Variants in FIBP observed in about 807,000 individuals in gnomAD.
FIBP encodes FGF1 intracellular binding protein, also known as acidic fibroblast growth factor intracellular-binding protein.
In FIBP, 29 loss-of-function variants were observed where a neutral mutation model predicts 40.5. That is an observed-to-expected ratio of 0.72 (90% CI 0.53 to 0.98). FIBP has a LOEUF of 0.98. Ranked by LOEUF, FIBP falls within the 50% of genes least tolerant of loss-of-function variation. The pLI is 0.00. For missense variants in FIBP, 411 were observed against 470.2 expected, an observed-to-expected ratio of 0.87 and a Z score of 1.16; for synonymous variants, 215 against 191.1, an observed-to-expected ratio of 1.13 and a Z score of -1.03.
chr11:65,884,335 C>T, intron 9 of FIBP, 57 bp downstream of exon 9: 1 of 1,518,994 alleles, frequency 6.6e-7, no homozygotes, highest in Non-Finnish European at 9.1e-7. Flanking sequence ...AGGCGAGGTC[C>T]TGGCAGGTGG....
rs991811318 is a variant in FIBP, at chr11:65,886,376, C to T, written c.458G>A (p.Gly153Asp). 6.2e-7 allele frequency: 1 copy of T among 1,613,850 alleles called. No homozygotes were observed. Among genetic ancestry groups the T allele is most frequent in the African/African-American group, 1.3e-5 (1 of 74,928 alleles). ...RVFKVVEEMR[G>D]SLVDNIQQHF... The stretch of plus-strand genomic sequence containing the variant: ...TTGCTGAATATTGTCCACCAGGGAG[C>T]CCCGCATTTCCTCTACCACCTTGAA... Residue 153 changes from glycine to aspartate, a missense_variant, in exon 4 of 10, where the codon GGC becomes GAC. Transcript: ENST00000357519.
rs1435227102 is a variant in FIBP, at chr11:65,888,087, T to C, written c.131A>G (p.Gln44Arg). 6.2e-7 allele frequency: 1 copy of C among 1,602,452 alleles called. No homozygotes were observed. The highest frequency in any genetic ancestry group is 8.5e-7 in the Non-Finnish European group (1 of 1,176,380). Residue 44 changes from glutamine to arginine, a missense_variant, in exon 2 of 10, where the codon CAG becomes CGG. Gln to Arg is a conservative substitution (Grantham distance 43). Coordinates refer to ENST00000357519, the MANE Select transcript of FIBP (RefSeq NM_004214.5). Reference protein sequence around the residue: ...ALRVRSGILEQTGATAAVLQS... With the variant: ...ALRVRSGILERTGATAAVLQS... ...CAGCACCGCTGCCGTGGCGCCAGTC[T>C]GCTCCAGGATTCCCGAGCGCACCCG... is the stretch of plus-strand genomic sequence containing the variant.
Position 65,888,321 on chromosome 11 carries a change from G to T in FIBP, c.85+13C>A, listed in dbSNP as rs1305090166. ...GCTCCGCCGACTGGCTTCCCCACAC[G>T]CCCCTCACGGACCCGAGTAACCATC... On this transcript the variant is annotated intron_variant, in intron 1 of 9. Coordinates refer to ENST00000357519, the MANE Select transcript of FIBP (RefSeq NM_004214.5). 1.3e-6 allele frequency: 2 copies of T among 1,547,702 alleles called. No individual in the cohort carries two copies. Among genetic ancestry groups the T allele is most frequent in the Non-Finnish European group, 8.7e-7 (1 of 1,144,546 alleles).
Position 65,887,622 on chromosome 11 carries a change from G to T in FIBP, c.389C>A (p.Thr130Asn), listed in dbSNP as rs1565282648. The change falls in exon 3 of 10, where the codon ACC becomes AAC. Residue 130 changes from threonine to asparagine, a missense_variant. Thr to Asn is a moderately conservative substitution (Grantham distance 65). Coordinates refer to ENST00000357519, the MANE Select transcript of FIBP (RefSeq NM_004214.5). ...LDDISTKTGITLKSCRRQFDN... is the reference protein window; with the variant it reads ...LDDISTKTGINLKSCRRQFDN... ...TACCTGTCTCCGGCAGCTCTTGAGGGTGATGCCTGTTTTGGTGCTGATGTC... is the reference window on the plus strand; with the variant it reads ...TACCTGTCTCCGGCAGCTCTTGAGGTTGATGCCTGTTTTGGTGCTGATGTC... The T allele has an allele frequency of 1.2e-6, 2 of 1,614,142 alleles. No homozygotes were observed. The highest frequency in any genetic ancestry group is 1.7e-5 in the Admixed American group (1 of 60,024).
In FIBP at chr11:65,888,019, C is replaced by G. The variant is rs1434231911; in HGVS notation, c.199G>C (p.Glu67Gln). ...TTGGGCGGCGCATGCAGCAGCCGCT[C>G]GAGCATGTGGAAGGTGCGGTAATGG... Reference protein sequence around the residue: ...MDHYRTFHMLERLLHAPPKLL... With the variant: ...MDHYRTFHMLQRLLHAPPKLL... Residue 67 changes from glutamate (E) to glutamine (Q), a missense_variant, in exon 2 of 10, where the codon GAG (glutamate) becomes CAG (glutamine). Physicochemically the swap from Glu to Gln is conservative, Grantham distance 29. Transcript: ENST00000357519. 1.2e-6 allele frequency: 2 copies of G among 1,613,068 alleles called. No homozygotes were observed. Among genetic ancestry groups the G allele is most frequent in the Middle Eastern group, 3.3e-4 (2 of 6,052 alleles).
At position 65,884,633 on chromosome 11, in the gene FIBP, G is replaced by A. The variant is rs759274282; in HGVS notation, c.843C>T (p.Asn281=). 5.0e-6 allele frequency: 8 copies of A among 1,614,132 alleles called. No individual in the cohort carries two copies. The highest frequency in any genetic ancestry group is 2.2e-5 in the East Asian group (1 of 44,884). The change falls in exon 8 of 10, where the codon AAC becomes AAT. Residue 281 remains asparagine (N), a synonymous_variant. Transcript: ENST00000357519. ...NFKNLSRGLV[N]VAAKLTHNKD... is the part of the protein sequence containing the mutation. ...TATTGTGGGTCAGCTTGGCGGCCAC[G>A]TTCACCAGCCCCCGGGACAGGTTCT... is the stretch of plus-strand genomic sequence containing the variant.
rs1053402237 is a variant in FIBP, at chr11:65,885,182, T to C, written c.651A>G (p.Ser217=). Residue 217 remains serine, a synonymous_variant, in exon 6 of 10, where the codon TCA becomes TCG. Transcript: ENST00000357519. ...IQNWTLGAVD[S]QMDDMDMDLD... is the part of the protein sequence containing the mutation. ...AGTCCATGTCCATGTCATCCATCTGTGAGTCTGTGAGGCCATGAAGGGGGT... is the reference window on the plus strand; with the variant it reads ...AGTCCATGTCCATGTCATCCATCTGCGAGTCTGTGAGGCCATGAAGGGGGT... The C allele has an allele frequency of 1.5e-5, 23 of 1,572,896 alleles. No homozygotes were observed. Among genetic ancestry groups the C allele is most frequent in the Middle Eastern group, 1.7e-4 (1 of 5,942 alleles).
intron 3 of FIBP, 60 bp from the exon 4 acceptor site, chr11:65,886,482 CA>C: frequency 9.3e-7 from 1 of 1,074,358 alleles, no homozygotes; most frequent in Non-Finnish European, 1.5e-6. Context: ...GTCGCTCACC[CA>C]ATAAACCACT....
In FIBP at chr11:65,886,470, G is replaced by A. The variant is rs777928501; in HGVS notation, c.412-48C>T. On this transcript the variant is annotated intron_variant, in intron 3 of 9. Coordinates refer to ENST00000357519, the MANE Select transcript of FIBP (RefSeq NM_004214.5). ...GAGAGGACTGGTCAGAGTGTACACT[G>A]TGTCGCTCACCCAATAAACCACTTA... 6 of 1,271,728 alleles carry A rather than the reference G, an allele frequency of 4.7e-6. No homozygotes were observed. The African/African-American group carries it at 8.8e-5, about 19-fold the overall frequency. 78.8% of individuals were successfully genotyped at this position (1,271,728 alleles called of 1,614,324 possible).
At chr11:65,887,446 GAAAAA>G in intron 3 of FIBP, 149 bp downstream of exon 3, 111 of 636,116 alleles carry the variant, frequency 1.7e-4, no homozygotes, top group Middle Eastern at 4.1e-4. Context: ...ACTCCATCTC[GAAAAA>G]AAAAAAAAAA....
Position 65,885,545 on chromosome 11 carries a change from T to A in FIBP, c.631A>T (p.Thr211Ser), listed in dbSNP as rs770386915. Residue 211 changes from threonine (T) to serine (S), a missense_variant, in exon 5 of 10, where the codon ACC becomes TCC. Physicochemically the swap from Thr to Ser is moderately conservative, Grantham distance 58. Coordinates refer to ENST00000357519, the MANE Select transcript of FIBP (RefSeq NM_004214.5). ...GGGGCCTCACCGACGGCTCCAAGGG[T>A]CCAGTTTTGGATCATGAGCTCAGCG... Reference protein sequence around the residue: ...FCAELMIQNWTLGAVDSQMDD... With the variant: ...FCAELMIQNWSLGAVDSQMDD... 2 of 1,613,778 alleles carry A rather than the reference T, an allele frequency of 1.2e-6. No individual in the cohort carries two copies. The highest frequency in any genetic ancestry group is 1.7e-6 in the Non-Finnish European group (2 of 1,179,918).
rs955872027 is a variant in FIBP at position 65,888,146 on chromosome 11, G to A, written c.86-14C>T. 3.9e-6 allele frequency: 6 copies of A among 1,547,096 alleles called. No homozygotes were observed. In the African/African-American group the frequency reaches 4.1e-5, roughly 10 times the overall value. On this transcript the variant is annotated splice_polypyrimidine_tract_variant and intron_variant, in intron 1 of 9. Transcript: ENST00000357519. ...CCGCGTCGGTCACTGGAAAGCGGAC[G>A]CTAGCATCAGGCCCCGCCCCGCCGA... is the stretch of plus-strand genomic sequence containing the variant.
chr11:65,887,889 A>G (rs1188010326), intron 2 of FIBP, 45 bp downstream of exon 2: 3 of 1,600,162 alleles, frequency 1.9e-6, no homozygotes, highest in Admixed American at 3.4e-5. Flanking sequence ...AAATGGGTAT[A>G]CAGTCAGACT....
At position 65,888,432 on chromosome 11, in the gene FIBP, G is replaced by T. The variant is rs754840591; in HGVS notation, c.-14C>A. 1.8e-5 allele frequency: 28 copies of T among 1,556,082 alleles called. No individual in the cohort carries two copies. In the East Asian group the frequency reaches 6.5e-4, roughly 36 times the overall value. On this transcript the variant is annotated 5_prime_UTR_variant, in exon 1 of 10. Transcript: ENST00000357519. ...CTCACTGGTCATGGCGACGCCCGGGGCCGCAGCGCCCCGAGCAGGAGCGAG... is the reference window on the plus strand; with the variant it reads ...CTCACTGGTCATGGCGACGCCCGGGTCCGCAGCGCCCCGAGCAGGAGCGAG...
At chr11:65,885,430 G>C in intron 5 of FIBP, 100 bp downstream of exon 5, 4 of 1,436,138 alleles carry the variant, frequency 2.8e-6, no homozygotes, top group Non-Finnish European at 3.8e-6. Flanking sequence ...GAACAGGAGC[G>C]GATGCCAGGA....
At chr11:65,885,412 G>C in intron 5 of FIBP, 118 bp downstream of exon 5, 1 of 1,280,426 alleles carries the variant, frequency 7.8e-7, no homozygotes, top group Non-Finnish European at 1.1e-6. Context: ...AGCCTGGGTG[G>C]GGGCCATGAA....
chr11:65,885,296 T>A, intron 5 of FIBP, 110 bp from the exon 6 acceptor site: 3 of 1,017,940 alleles, frequency 2.9e-6, no homozygotes, highest in Non-Finnish European at 4.6e-6. Flanking sequence ...AAAGAGGAAA[T>A]GGAGTGTCAG....
Position 65,887,617 on chromosome 11 carries a change from T to C in FIBP, c.394A>G (p.Lys132Glu). 6.2e-7 allele frequency: 1 copy of C among 1,614,064 alleles called. No homozygotes were observed. The highest frequency in any genetic ancestry group is 8.5e-7 in the Non-Finnish European group (1 of 1,180,008). ...DISTKTGITL[K>E]SCRRQFDNFK... ...GTGCATACCTGTCTCCGGCAGCTCT[T>C]GAGGGTGATGCCTGTTTTGGTGCTG... Residue 132 changes from lysine to glutamate, a missense_variant, in exon 3 of 10, where the codon AAG becomes GAG. By Grantham distance (56) the Lys-to-Glu change is moderately conservative. Transcript: ENST00000357519.
In FIBP at chr11:65,885,545, T is replaced by G; in HGVS notation, c.631A>C (p.Thr211Pro). ...GGGGCCTCACCGACGGCTCCAAGGG[T>G]CCAGTTTTGGATCATGAGCTCAGCG... ...FCAELMIQNW[T>P]LGAVDSQMDD... is the part of the protein sequence containing the mutation. The change falls in exon 5 of 10, where the codon ACC becomes CCC. Residue 211 changes from threonine to proline, a missense_variant. Coordinates refer to ENST00000357519, the MANE Select transcript of FIBP (RefSeq NM_004214.5). The G allele has an allele frequency of 6.2e-7, 1 of 1,613,894 alleles. No individual in the cohort carries two copies. The highest frequency in any genetic ancestry group is 2.2e-5 in the East Asian group (1 of 44,888).
Sources: allele counts gnomAD v4.1 joint callset, GRCh38; gene constraint gnomAD v4.1.1; transcripts MANE v1.5; gene names NCBI Gene and HGNC (gene_info 2026-07-23, HGNC 2026-07-21).